TRABD2B: variants seen among roughly 807,000 people sequenced by gnomAD.
The protein encoded by TRABD2B is metalloprotease TIKI2.
Under a neutral mutation model 40.1 loss-of-function variants are expected in TRABD2B, and 14 were observed. That is an observed-to-expected ratio of 0.35 (90% confidence interval 0.23 to 0.55). The LOEUF is 0.55. Among genes scored for constraint, TRABD2B ranks in the 20% least tolerant of loss-of-function variants. TRABD2B has a pLI of 0.90. For synonymous variants in TRABD2B, 263 were observed against 277.0 expected (o/e 0.95, Z 0.50); for missense variants, 541 against 648.6 (o/e 0.83, Z 1.80).
chr1:47,947,250 A>G lies in TRABD2B; in HGVS notation c.666+46784T>C, dbSNP rs564264989. 9.9e-5 allele frequency among the ~76,000 whole-genome samples: 15 copies of G among 152,254 alleles called. No individual in the cohort carries two copies. In the South Asian group the frequency reaches 2.9e-3, roughly 30 times the overall value. On this transcript the variant is annotated intron_variant, in intron 2 of 6. Transcript: ENST00000606738. ...ACACCTACTAAGTGCCATCTATTTT[A>G]AATCTTTTATTTCTTGTCACTGTTA...
At chr1:47,820,782 CCACACACACACA>C (rs56348753) in intron 2 of TRABD2B, among the ~76,000 whole-genome samples, 5 of 147,106 alleles carry the variant, frequency 3.4e-5, no homozygotes, top group East Asian at 2.0e-4. Context: ...TTCACACACA[CCACACACACACA>C]CACACACACA....
chr1:47,854,831 G>GGCAGCTTGTATAGGTGGTGA lies in TRABD2B; in HGVS notation c.667-53232_667-53213dup, dbSNP rs1371839760. On this transcript the variant is annotated intron_variant, in intron 2 of 6. Coordinates refer to ENST00000606738, the MANE Select transcript of TRABD2B (RefSeq NM_001194986.2). ...AAGTTTGTAGTATTTTATTTAAAAA[G>GGCAGCTTGTATAGGTGGTGA]GCAGCTTGTATAGGTGGTGAGAGGT... 5.4e-3 allele frequency among the ~76,000 whole-genome samples: 821 copies of GGCAGCTTGTATAGGTGGTGA among 152,298 alleles called. 13 individuals carry two copies. The highest frequency in any genetic ancestry group is 0.019 in the African/African-American group (785 of 41,548).
intron 2 of TRABD2B, among the ~76,000 whole-genome samples, chr1:47,985,512 G>A (rs1298459831): frequency 6.6e-6 from 1 of 152,190 alleles, no homozygotes; most frequent in East Asian, 1.9e-4. Flanking sequence ...AAGTCCTTCG[G>A]AAGGAACACA....
At chr1:47,776,986 G>A (rs1557558253) in intron 5 of TRABD2B, among the ~76,000 whole-genome samples, 1 of 152,106 alleles carries the variant, frequency 6.6e-6, no homozygotes, top group Non-Finnish European at 1.5e-5. Context: ...CAGCATTCCC[G>A]CCCCCCTCCG....
intron 2 of TRABD2B, among the ~76,000 whole-genome samples, chr1:47,830,856 G>A (rs1214433788): frequency 6.6e-6 from 1 of 152,184 alleles, no homozygotes; most frequent in African/African-American, 2.4e-5. Context: ...GCAAATCTCT[G>A]TTCTCTGTAT....
At chr1:47,802,630 GCCCTC>G (rs771523065) in intron 2 of TRABD2B, among the ~76,000 whole-genome samples, 13 of 152,258 alleles carry the variant, frequency 8.5e-5, no homozygotes, top group East Asian at 7.7e-4. Flanking sequence ...GCCCAGCCTA[GCCCTC>G]AGTCTTTAGG....
intron 2 of TRABD2B, among the ~76,000 whole-genome samples, chr1:47,933,447 G>A (rs1399870985): frequency 5.3e-5 from 8 of 152,178 alleles, no homozygotes; most frequent in African/African-American, 1.7e-4. Flanking sequence ...TTTGTGCTTT[G>A]GCAGCAATGA....
At chr1:47,941,218 G>A (rs1443988979) in intron 2 of TRABD2B, among the ~76,000 whole-genome samples, 1 of 152,126 alleles carries the variant, frequency 6.6e-6, no homozygotes, top group Non-Finnish European at 1.5e-5. Flanking sequence ...GAGCCAAGAT[G>A]AACACCAAGT....
chr1:47,951,391 G>A (rs1645341899), intron 2 of TRABD2B, among the ~76,000 whole-genome samples: 1 of 152,210 alleles, frequency 6.6e-6, no homozygotes, highest in Non-Finnish European at 1.5e-5. Flanking sequence ...CCAAACAAAT[G>A]ATAAATAAAT....
intron 2 of TRABD2B, among the ~76,000 whole-genome samples, chr1:47,871,821 T>C (rs1644145621): frequency 6.6e-6 from 1 of 152,106 alleles, no homozygotes; most frequent in African/African-American, 2.4e-5. Flanking sequence ...AGGAAGTGAC[T>C]AGCTCTCTAC....
chr1:47,785,670 G>T (rs3862273), intron 4 of TRABD2B, among the ~76,000 whole-genome samples: 36,298 of 152,166 alleles, frequency 0.24, 4,507 homozygotes, highest in East Asian at 0.45. Flanking sequence ...CCAGATCCAG[G>T]CAATGGCCAT....
intron 2 of TRABD2B, among the ~76,000 whole-genome samples, chr1:47,947,258 T>C (rs1570344966): frequency 6.6e-6 from 1 of 152,212 alleles, no homozygotes. Flanking sequence ...TTAAATCTTT[T>C]ATTTCTTGTC....
chr1:47,767,864 A>C (rs1644326345), intron 6 of TRABD2B, among the ~76,000 whole-genome samples: 1 of 152,204 alleles, frequency 6.6e-6, no homozygotes, highest in Non-Finnish European at 1.5e-5. Flanking sequence ...AGCTGGCCAT[A>C]ATCACAGTGG....
chr1:47,811,043 A>G (rs1207607496), intron 2 of TRABD2B, among the ~76,000 whole-genome samples: 1 of 152,144 alleles, frequency 6.6e-6, no homozygotes, highest in South Asian at 2.1e-4. Context: ...TTTCCAGCAC[A>G]AGGGAGAGAG....
chr1:47,775,598 G>A (rs181032401), intron 5 of TRABD2B, among the ~76,000 whole-genome samples, 159 bp from the exon 6 acceptor site: 190 of 152,362 alleles, frequency 1.2e-3, no homozygotes, highest in African/African-American at 4.0e-3. Context: ...AACCTCGTCT[G>A]GTGCTGAAAG....
At chr1:47,791,120 C>T (rs1414823602) in intron 4 of TRABD2B, among the ~76,000 whole-genome samples, 2 of 152,234 alleles carry the variant, frequency 1.3e-5, no homozygotes, top group African/African-American at 4.8e-5. Flanking sequence ...TCCTCGCAGG[C>T]TCTCAGGGCA....
At chr1:47,883,636 C>A (rs1292424188) in intron 2 of TRABD2B, among the ~76,000 whole-genome samples, 1 of 152,104 alleles carries the variant, frequency 6.6e-6, no homozygotes, top group Non-Finnish European at 1.5e-5. Context: ...TTAGCCAGAC[C>A]CAGAATAAAT....
chr1:47,779,093 C>G (rs1242998113), intron 4 of TRABD2B, among the ~76,000 whole-genome samples: 1 of 152,184 alleles, frequency 6.6e-6, no homozygotes, highest in African/African-American at 2.4e-5. Flanking sequence ...ATGTGGGCCT[C>G]CTCACTCAGC....
At chr1:47,966,318 T>C (rs1186889825) in intron 2 of TRABD2B, among the ~76,000 whole-genome samples, 3 of 152,222 alleles carry the variant, frequency 2.0e-5, no homozygotes, top group Non-Finnish European at 2.9e-5. Flanking sequence ...GCCACACGGC[T>C]GGGCTCTTGA....
Sources: gnomAD v4.1 joint callset for allele counts (sites outside exome capture counted in the v4.1 genomes callset) on GRCh38, gnomAD v4.1.1 for gene constraint, MANE v1.5 for transcripts, NCBI Gene and HGNC (gene_info 2026-07-23, HGNC 2026-07-21) for gene names.